The following SLC30A8 variants were observed in gnomAD, a reference collection of about 807,000 sequenced individuals.
The protein encoded by SLC30A8 is solute carrier family 30 member 8.
A neutral mutation model predicts 36.9 loss-of-function variants in SLC30A8; 27 were observed. The observed-to-expected ratio is 0.73, with a 90% CI of 0.54 to 1.01. The LOEUF is 1.01. Among genes scored for constraint, SLC30A8 ranks in the 50% least tolerant of loss-of-function variants. The probability of loss-of-function intolerance (pLI) is 0.00; values close to 1 mark genes in which losing one functional copy is unlikely to be tolerated. For synonymous variants in SLC30A8, 164 were observed against 172.4 expected (o/e 0.95, Z 0.38); for missense variants, 439 against 452.0 (o/e 0.97, Z 0.26).
At chr8:117,084,127 A>G (rs771378975) in intron 2 of SLC30A8, among the ~76,000 whole-genome samples, 13 of 152,200 alleles carry the variant, frequency 8.5e-5, no homozygotes, top group Admixed American at 5.2e-4. Flanking sequence ...CTTGAGGCCA[A>G]TGAAGTACAA....
At chr8:116,951,844 C>T (rs929991313) in intron 1 of SLC30A8, among the ~76,000 whole-genome samples, 2 of 151,806 alleles carry the variant, frequency 1.3e-5, no homozygotes, top group Non-Finnish European at 1.5e-5. Flanking sequence ...GGATGCTGAG[C>T]GTAGGACAAT....
rs1435445325 is a variant in SLC30A8 at position 117,175,052 on chromosome 8, A to ATTCTT, written c.*2373_*2377dup. 1.6e-4 allele frequency: 25 copies of ATTCTT among 152,194 alleles called. No homozygotes were observed. The highest frequency in any genetic ancestry group is 5.1e-4 in the African/African-American group (21 of 41,552). The allele number at this position is 152,194 out of a possible 1,614,324, so 9.4% of individuals were successfully genotyped here. On this transcript the variant is annotated 3_prime_UTR_variant, in exon 8 of 8. Transcript: ENST00000456015. ...GAAGTTAGTGGAATCATGTAGTTGA[A>ATTCTT]TTCTTTACTTCAAGACATTGTATTC...
intron 2 of SLC30A8, among the ~76,000 whole-genome samples, chr8:117,062,940 A>G (rs1229718836): frequency 6.6e-6 from 1 of 152,190 alleles, no homozygotes; most frequent in Admixed American, 6.5e-5. Context: ...CTCACTTAAA[A>G]CAGATCGCCT....
intron 2 of SLC30A8, among the ~76,000 whole-genome samples, chr8:117,104,435 G>A (rs1289716388): frequency 6.6e-6 from 1 of 152,130 alleles, no homozygotes; most frequent in Non-Finnish European, 1.5e-5. Context: ...GTTTTCAGTA[G>A]CATGTCCCTC....
chr8:117,103,075 A>T (rs897811269), intron 2 of SLC30A8, among the ~76,000 whole-genome samples: 1 of 152,130 alleles, frequency 6.6e-6, no homozygotes, highest in Non-Finnish European at 1.5e-5. Context: ...AAAGTTCAAA[A>T]TCTCCTCTTC....
chr8:117,171,291 T>C, intron 7 of SLC30A8, 123 bp downstream of exon 7: 1 of 1,133,334 alleles, frequency 8.8e-7, no homozygotes, highest in South Asian at 1.3e-5. Context: ...TATAAAGTGT[T>C]TTCTATTACC....
At chr8:117,126,314 TTATA>T (rs1473689748) in intron 2 of SLC30A8, among the ~76,000 whole-genome samples, 1 of 152,044 alleles carries the variant, frequency 6.6e-6, no homozygotes, top group Non-Finnish European at 1.5e-5. Context: ...ACTCTGAGCT[TTATA>T]TATGAAATTT....
rs546286543 is a variant in SLC30A8, at chr8:117,125,725, A to G, written c.-225-9555A>G. Reference sequence around the variant, plus strand: ...AGAAAAGGCAATTAGTTTTGCACCAATGAGAAATAATGTAGAACTCCTCAT... The same window carrying G: ...AGAAAAGGCAATTAGTTTTGCACCAGTGAGAAATAATGTAGAACTCCTCAT... On this transcript the variant is annotated intron_variant, in intron 2 of 10. Transcript: ENST00000427715. Among the ~76,000 whole-genome samples the G allele has an allele frequency of 3.9e-5, 6 of 152,192 alleles. No homozygotes were observed. In the East Asian group the frequency reaches 1.2e-3, roughly 30 times the overall value.
At position 116,966,135 on chromosome 8, in the gene SLC30A8, C is replaced by T. The variant is rs535567665; in HGVS notation, c.-266+15016C>T. On this transcript the variant is annotated intron_variant, in intron 1 of 10. Transcript: ENST00000427715. ...CTGACCTCAGGCAATTCGCCCGTCT[C>T]GGCCTCCCAAAGTGCTGGGATTACA... Among the ~76,000 whole-genome samples the T allele has an allele frequency of 3.3e-4, 50 of 152,044 alleles. 1 individual carries two copies. Among genetic ancestry groups the T allele is most frequent in the African/African-American group, 9.9e-4 (41 of 41,380 alleles).
chr8:117,021,668 G>C lies in SLC30A8; in HGVS notation c.-265-17551G>C, dbSNP rs139041129. 7.2e-3 allele frequency among the ~76,000 whole-genome samples: 1,102 copies of C among 152,270 alleles called. 6 individuals are homozygous for C. Among genetic ancestry groups the C allele is most frequent in the African/African-American group, 0.025 (1,025 of 41,554 alleles). ...AATTTACAAGCTGATTCTAAAATCT[G>C]CATGGATTTGCAAAAGGTCAAGAAA... On this transcript the variant is annotated intron_variant, in intron 1 of 10. Transcript: ENST00000427715.
chr8:116,980,713 A>G (rs1422291019), intron 1 of SLC30A8, among the ~76,000 whole-genome samples: 1 of 152,170 alleles, frequency 6.6e-6, no homozygotes, highest in East Asian at 1.9e-4. Flanking sequence ...AAGGTAAAGA[A>G]TGAAGGAACA....
intron 2 of SLC30A8, among the ~76,000 whole-genome samples, chr8:117,073,460 A>T (rs536474359): frequency 4.9e-4 from 75 of 152,198 alleles, no homozygotes; most frequent in Non-Finnish European, 4.9e-4. Flanking sequence ...GGGTTTCACC[A>T]TGTTGGCCAG....
intron 1 of SLC30A8, among the ~76,000 whole-genome samples, chr8:117,015,727 A>G (rs964360985): frequency 3.3e-5 from 5 of 152,124 alleles, no homozygotes; most frequent in South Asian, 4.1e-4. Flanking sequence ...TCACTTTGTG[A>G]CACAGGCCTA....
At chr8:117,065,786 T>G (rs577498640) in intron 2 of SLC30A8, among the ~76,000 whole-genome samples, 112 of 152,280 alleles carry the variant, frequency 7.4e-4, no homozygotes, top group African/African-American at 2.4e-3. Flanking sequence ...CTTGTCTGTA[T>G]AGTTAATACA....
intron 1 of SLC30A8, among the ~76,000 whole-genome samples, chr8:117,004,915 T>C (rs1816123449): frequency 1.3e-5 from 2 of 152,144 alleles, no homozygotes; most frequent in South Asian, 2.1e-4. Context: ...AAGGTTGATA[T>C]ATTTTTCCAG....
intron 7 of SLC30A8, 69 bp from the exon 8 acceptor site, chr8:117,172,467 G>A (rs1823429470): frequency 1.2e-6 from 2 of 1,606,838 alleles, no homozygotes; most frequent in African/African-American, 1.3e-5. Context: ...AGTACTTGAA[G>A]TTGGAGTCAG....
intron 2 of SLC30A8, among the ~76,000 whole-genome samples, chr8:117,120,342 G>A (rs944231188): frequency 7.9e-5 from 12 of 151,796 alleles, no homozygotes; most frequent in Non-Finnish European, 1.3e-4. Context: ...TCTTTGACAA[G>A]GTTGCCAAAA....
intron 2 of SLC30A8, among the ~76,000 whole-genome samples, chr8:117,117,538 T>C (rs1820495112): frequency 6.6e-6 from 1 of 152,030 alleles, no homozygotes; most frequent in Non-Finnish European, 1.5e-5. Context: ...AATAAAGCTA[T>C]GGAGAGGTTT....
At chr8:117,153,575 T>C (rs958678329) in intron 3 of SLC30A8, among the ~76,000 whole-genome samples, 4 of 152,170 alleles carry the variant, frequency 2.6e-5, no homozygotes, top group African/African-American at 9.7e-5. Context: ...ATTGAATATC[T>C]TGCTCGCTCA....
Sources: allele counts gnomAD v4.1 joint callset (sites outside exome capture counted in the v4.1 genomes callset), GRCh38; gene constraint gnomAD v4.1.1; transcripts MANE v1.5; gene names NCBI Gene and HGNC (gene_info 2026-07-23, HGNC 2026-07-21).